Variants in MEIKIN observed in about 807,000 individuals in gnomAD.
MEIKIN encodes meiotic kinetochore factor.
intron 9 of MEIKIN, among the ~76,000 whole-genome samples, chr5:131,859,673 T>C (rs1181646603): frequency 6.6e-6 from 1 of 152,196 alleles, no homozygotes; most frequent in Non-Finnish European, 1.5e-5. Context: ...ATCTCTTTTC[T>C]TATAAATTAC....
intron 9 of MEIKIN, among the ~76,000 whole-genome samples, chr5:131,856,978 T>G (rs1750206764): frequency 1.3e-5 from 2 of 151,646 alleles, no homozygotes; most frequent in Admixed American, 1.3e-4. Flanking sequence ...TTATTATACT[T>G]TAAGTTTTAG....
chr5:131,935,161 T>C lies in MEIKIN; in HGVS notation c.350-1520A>G, dbSNP rs6596046. On this transcript the variant is annotated intron_variant, in intron 4 of 12. Coordinates refer to ENST00000442687, the MANE Select transcript of MEIKIN (RefSeq NM_001303622.2). ...AATGTAAAGAACTGGCTCGGCACAG[T>C]GGCTCATGCCTGTAATAACAGCACT... Among the ~76,000 whole-genome samples, 423 of 149,214 alleles carry C rather than the reference T, an allele frequency of 2.8e-3. 1 individual carries two copies. The highest frequency in any genetic ancestry group is 9.1e-3 in the African/African-American group (367 of 40,316).
chr5:131,943,909 G>T (rs929805318), intron 3 of MEIKIN, among the ~76,000 whole-genome samples: 1 of 152,072 alleles, frequency 6.6e-6, no homozygotes, highest in African/African-American at 2.4e-5. Flanking sequence ...CTTGAGGTCA[G>T]GAGTTCGAGA....
chr5:131,902,971 C>G (rs1166205880), intron 8 of MEIKIN, among the ~76,000 whole-genome samples: 1 of 152,088 alleles, frequency 6.6e-6, no homozygotes, highest in Admixed American at 6.6e-5. Context: ...ACTGATGCAA[C>G]AGAGCTAAAA....
chr5:131,912,231 G>GATA (rs1182550212), intron 7 of MEIKIN, among the ~76,000 whole-genome samples: 1 of 151,718 alleles, frequency 6.6e-6, no homozygotes, highest in African/African-American at 2.4e-5. Context: ...ATGCAAAAGG[G>GATA]ATAGCAATCA....
chr5:131,890,416 G>T (rs200013100), intron 8 of MEIKIN, among the ~76,000 whole-genome samples: 1 of 152,082 alleles, frequency 6.6e-6, no homozygotes, highest in Non-Finnish European at 1.5e-5. Flanking sequence ...ACTTCTTCCT[G>T]GTTTAGTCTT....
intron 11 of MEIKIN, among the ~76,000 whole-genome samples, chr5:131,821,529 A>T (rs1749505056): frequency 6.7e-6 from 1 of 149,936 alleles, no homozygotes. Flanking sequence ...TACAGTGCAG[A>T]TTAAGTCTGA....
At chr5:131,931,410 T>A (rs1280317325) in intron 5 of MEIKIN, among the ~76,000 whole-genome samples, 1 of 152,200 alleles carries the variant, frequency 6.6e-6, no homozygotes, top group African/African-American at 2.4e-5. Flanking sequence ...CAAATTGTCA[T>A]CTTTGTTCTC....
intron 8 of MEIKIN, among the ~76,000 whole-genome samples, chr5:131,888,512 T>A (rs1481891795): frequency 1.3e-5 from 2 of 152,240 alleles, no homozygotes; most frequent in Admixed American, 1.3e-4. Context: ...TGTCTTCTTT[T>A]GAGAAGTGTC....
At chr5:131,837,396 TACCATTGGC>T (rs1238108309) in intron 11 of MEIKIN, among the ~76,000 whole-genome samples, 1 of 152,158 alleles carries the variant, frequency 6.6e-6, no homozygotes, top group Non-Finnish European at 1.5e-5. Flanking sequence ...CTGTGAAGAA[TACCATTGGC>T]ACTTTGACAG....
chr5:131,926,798 T>C lies in MEIKIN; in HGVS notation c.479-4857A>G, dbSNP rs930064830. On this transcript the variant is annotated intron_variant, in intron 5 of 12. Transcript: ENST00000442687. ...TCTTCTTTCCTTCTAGGTTATTCAA[T>C]TTATTGTCCTATAATTGGGCATGGT... Among the ~76,000 whole-genome samples, 3 of 152,314 alleles carry C rather than the reference T, an allele frequency of 2.0e-5. No homozygotes were observed. In the South Asian group the frequency reaches 6.2e-4, roughly 32 times the overall value.
chr5:131,923,361 C>G (rs1050780133), intron 5 of MEIKIN, among the ~76,000 whole-genome samples: 2 of 151,970 alleles, frequency 1.3e-5, no homozygotes, highest in African/African-American at 4.8e-5. Context: ...ATTTATAGCT[C>G]GAAAAATGTT....
At chr5:131,821,251 T>G (rs1349663323) in intron 11 of MEIKIN, among the ~76,000 whole-genome samples, 1 of 152,190 alleles carries the variant, frequency 6.6e-6, no homozygotes, top group Non-Finnish European at 1.5e-5. Context: ...AATTTTTCAT[T>G]GGCCACTGGT....
At chr5:131,879,136 A>C in intron 8 of MEIKIN, 88 bp from the exon 9 acceptor site, 1 of 395,780 alleles carries the variant, frequency 2.5e-6, no homozygotes, top group Non-Finnish European at 4.5e-6. Flanking sequence ...AAATTTGACA[A>C]AACAAAATAA....
chr5:131,898,116 T>C (rs1377405975), intron 8 of MEIKIN, among the ~76,000 whole-genome samples: 1 of 152,218 alleles, frequency 6.6e-6, no homozygotes, highest in African/African-American at 2.4e-5. Context: ...TTGATGTTGA[T>C]GCTATTCCTT....
chr5:131,834,884 A>G (rs1202723999), intron 11 of MEIKIN, among the ~76,000 whole-genome samples: 1 of 152,106 alleles, frequency 6.6e-6, no homozygotes, highest in South Asian at 2.1e-4. Context: ...CCTTTTTTCC[A>G]TAACAATGAT....
At chr5:131,871,620 T>C (rs1580882284) in intron 9 of MEIKIN, among the ~76,000 whole-genome samples, 1 of 152,324 alleles carries the variant, frequency 6.6e-6, no homozygotes, top group African/African-American at 2.4e-5. Context: ...CAGACTTAAA[T>C]GTCCCTGTCT....
intron 9 of MEIKIN, among the ~76,000 whole-genome samples, chr5:131,863,557 C>CTTTTTTTTT (rs59435888): frequency 6.7e-4 from 46 of 68,430 alleles, no homozygotes; most frequent in East Asian, 3.5e-3. Flanking sequence ...CTTCTTTGTC[C>CTTTTTTTTT]TTTTTTTTTT....
At chr5:131,883,666 A>T (rs987969312) in intron 8 of MEIKIN, among the ~76,000 whole-genome samples, 26 of 152,342 alleles carry the variant, frequency 1.7e-4, no homozygotes, top group African/African-American at 6.0e-4. Flanking sequence ...TTTAACAACT[A>T]TCTACATACA....
Sources: gnomAD v4.1 joint callset for allele counts (sites outside exome capture counted in the v4.1 genomes callset) on GRCh38, gnomAD v4.1.1 for gene constraint, MANE v1.5 for transcripts, NCBI Gene and HGNC (gene_info 2026-07-23, HGNC 2026-07-21) for gene names.